Variants in TMC1 observed in about 807,000 individuals in gnomAD.
The protein encoded by TMC1 is transmembrane channel like 1.
Under a neutral mutation model 105.8 loss-of-function variants are expected in TMC1, and 84 were observed. The observed-to-expected ratio is 0.79, with a 90% CI of 0.67 to 0.95. The LOEUF is 0.95. Ranked by LOEUF, TMC1 falls within the 40% of genes least tolerant of loss-of-function variation. The pLI is 0.00. For synonymous variants in TMC1, 315 were observed against 311.5 expected (o/e 1.01, Z -0.12); for missense variants, 817 against 914.1 (o/e 0.89, Z 1.37).
intron 1 of TMC1, among the ~76,000 whole-genome samples, chr9:72,535,060 A>C (rs1823556661): frequency 6.6e-6 from 1 of 152,152 alleles, no homozygotes. Flanking sequence ...GAGAGAAAAA[A>C]AAAAAGCTAG....
At chr9:72,759,229 C>T (rs568550422) in intron 12 of TMC1, among the ~76,000 whole-genome samples, 2 of 152,144 alleles carry the variant, frequency 1.3e-5, no homozygotes, top group African/African-American at 2.4e-5. Flanking sequence ...AACCAAATAC[C>T]GTTACCAGAG....
At chr9:72,568,626 T>A (rs1020859432) in intron 1 of TMC1, among the ~76,000 whole-genome samples, 1 of 152,134 alleles carries the variant, frequency 6.6e-6, no homozygotes, top group Non-Finnish European at 1.5e-5. Flanking sequence ...GTTCTTGACC[T>A]ACATTCTTAG....
chr9:72,590,611 A>C (rs1055957950), intron 2 of TMC1, among the ~76,000 whole-genome samples: 3 of 152,240 alleles, frequency 2.0e-5, no homozygotes, highest in Non-Finnish European at 4.4e-5. Context: ...TCATTCATTC[A>C]ACACATATTC....
chr9:72,619,987 A>G (rs1054088137), intron 3 of TMC1, among the ~76,000 whole-genome samples: 7 of 151,826 alleles, frequency 4.6e-5, no homozygotes, highest in Admixed American at 2.6e-4. Context: ...GGCATGTGCC[A>G]CCATGCCCAG....
intron 1 of TMC1, among the ~76,000 whole-genome samples, chr9:72,535,323 C>T (rs1823563696): frequency 6.6e-6 from 1 of 152,214 alleles, no homozygotes; most frequent in Non-Finnish European, 1.5e-5. Flanking sequence ...GTTTGGATTT[C>T]TCCCGAAAAC....
rs554557720 is a variant in TMC1, at chr9:72,638,025, T to C, written c.-53+9962T>C. On this transcript the variant is annotated intron_variant, in intron 4 of 23. Coordinates refer to ENST00000297784, the MANE Select transcript of TMC1 (RefSeq NM_138691.3). ...TTCTGCTGAAGCCGTGTAGATCTTA[T>C]GGTGTTCTGCTGAAGCCGTGTAGAT... Among the ~76,000 whole-genome samples, 119 of 126,628 alleles carry C rather than the reference T, an allele frequency of 9.4e-4. 2 individuals are homozygous for C. Among genetic ancestry groups the C allele is most frequent in the African/African-American group, 3.0e-3 (102 of 33,468 alleles). 83.1% of individuals were successfully genotyped at this position (126,628 alleles called of 152,430 possible). A position where few individuals can be genotyped will look rare whatever the true frequency, so the allele number is the denominator to read the frequency against.
At chr9:72,567,518 C>G (rs772069945) in intron 1 of TMC1, among the ~76,000 whole-genome samples, 1 of 152,098 alleles carries the variant, frequency 6.6e-6, no homozygotes, top group South Asian at 2.1e-4. Flanking sequence ...AGGAAACTTA[C>G]AATTATGGCA....
intron 2 of TMC1, among the ~76,000 whole-genome samples, chr9:72,602,575 A>G (rs957449820): frequency 2.0e-5 from 3 of 152,026 alleles, no homozygotes; most frequent in African/African-American, 4.8e-5. Flanking sequence ...GGGTTTCACC[A>G]TGTTGGCCAT....
chr9:72,580,098 T>C (rs1008949175), intron 2 of TMC1, among the ~76,000 whole-genome samples: 1 of 152,184 alleles, frequency 6.6e-6, no homozygotes, highest in Non-Finnish European at 1.5e-5. Context: ...GCAGAATCAG[T>C]GTCACCTGGG....
intron 17 of TMC1, among the ~76,000 whole-genome samples, chr9:72,802,761 G>A (rs570974047): frequency 4.3e-4 from 65 of 152,244 alleles, no homozygotes; most frequent in Non-Finnish European, 7.2e-4. Context: ...AACATTCCAT[G>A]CTCATGGATA....
intron 12 of TMC1, among the ~76,000 whole-genome samples, chr9:72,762,029 A>G (rs1827764213): frequency 6.6e-6 from 1 of 152,156 alleles, no homozygotes; most frequent in African/African-American, 2.4e-5. Flanking sequence ...GTGAAGGATA[A>G]AGGAGAGAGT....
At chr9:72,558,007 T>A (rs1823973133) in intron 1 of TMC1, among the ~76,000 whole-genome samples, 1 of 152,170 alleles carries the variant, frequency 6.6e-6, no homozygotes, top group African/African-American at 2.4e-5. Context: ...TATCAGAGTA[T>A]ATTCACAGAA....
chr9:72,552,703 C>T (rs1823877219), intron 1 of TMC1, among the ~76,000 whole-genome samples: 1 of 152,158 alleles, frequency 6.6e-6, no homozygotes, highest in Non-Finnish European at 1.5e-5. Context: ...CCTGGGATTA[C>T]TTGCTATTTG....
At chr9:72,761,385 G>A (rs927361124) in intron 12 of TMC1, among the ~76,000 whole-genome samples, 1 of 152,154 alleles carries the variant, frequency 6.6e-6, no homozygotes, top group Non-Finnish European at 1.5e-5. Context: ...TATGGGTAAA[G>A]GTTTAAGTTG....
chr9:72,673,220 A>T (rs1410608260), intron 5 of TMC1, among the ~76,000 whole-genome samples: 1 of 152,190 alleles, frequency 6.6e-6, no homozygotes, highest in Non-Finnish European at 1.5e-5. Flanking sequence ...TTAGAGGAAA[A>T]TTTATAATAG....
intron 18 of TMC1, among the ~76,000 whole-genome samples, chr9:72,806,897 G>A (rs1012505268): frequency 6.6e-6 from 1 of 152,234 alleles, no homozygotes; most frequent in African/African-American, 2.4e-5. Context: ...CGGCACTTTG[G>A]GAGGCCAAGG....
chr9:72,540,388 G>C (rs1052628854), intron 1 of TMC1, among the ~76,000 whole-genome samples: 1 of 152,108 alleles, frequency 6.6e-6, no homozygotes, highest in Non-Finnish European at 1.5e-5. Flanking sequence ...ACTTCCCTAA[G>C]GTACAATGGC....
chr9:72,668,494 A>G (rs1318102778), intron 5 of TMC1, among the ~76,000 whole-genome samples: 1 of 152,198 alleles, frequency 6.6e-6, no homozygotes, highest in Non-Finnish European at 1.5e-5. Context: ...TCTTCTCTGT[A>G]CAATGAGGAT....
chr9:72,819,731 G>A (rs17641324), intron 19 of TMC1, among the ~76,000 whole-genome samples: 9,948 of 152,126 alleles, frequency 0.065, 376 homozygotes, highest in Non-Finnish European at 0.086. Flanking sequence ...CCAAATTTAC[G>A]TTGGATTGGC....
Sources: gnomAD v4.1 joint callset for allele counts (sites outside exome capture counted in the v4.1 genomes callset) on GRCh38, gnomAD v4.1.1 for gene constraint, MANE v1.5 for transcripts, NCBI Gene and HGNC (gene_info 2026-07-23, HGNC 2026-07-21) for gene names.